The following MEGF11 variants were observed in gnomAD, a reference collection of about 807,000 sequenced individuals.
MEGF11 encodes the protein multiple EGF like domains 11.
Under a neutral mutation model 146.6 loss-of-function variants are expected in MEGF11, and 126 were observed. The ratio of observed to expected loss-of-function variants is 0.86; its 90% confidence interval spans 0.74 to 1.00. The LOEUF is 1.00. Ranked by LOEUF, MEGF11 falls within the 50% of genes least tolerant of loss-of-function variation. The probability of loss-of-function intolerance (pLI) is 0.00; values close to 1 mark genes in which losing one functional copy is unlikely to be tolerated. For missense variants in MEGF11, 1,509 were observed against 1,521.2 expected, an observed-to-expected ratio of 0.99 and a Z score of 0.13; for synonymous variants, 532 against 583.4, an observed-to-expected ratio of 0.91 and a Z score of 1.27.
At chr15:66,039,776 C>T (rs1325397385) in intron 5 of MEGF11, among the ~76,000 whole-genome samples, 1 of 147,284 alleles carries the variant, frequency 6.8e-6, no homozygotes, top group Admixed American at 6.8e-5. Flanking sequence ...GGTGGGGTGA[C>T]GGTCCTGAGC....
At chr15:66,018,586 T>C (rs534551543) in intron 5 of MEGF11, among the ~76,000 whole-genome samples, 6 of 152,180 alleles carry the variant, frequency 3.9e-5, no homozygotes, top group South Asian at 4.2e-4. Context: ...TGAATGACTG[T>C]GTGGGAGAGG....
intron 4 of MEGF11, among the ~76,000 whole-genome samples, chr15:66,117,828 G>A (rs1025420537): frequency 7.2e-5 from 11 of 152,280 alleles, no homozygotes; most frequent in Non-Finnish European, 1.0e-4. Context: ...CCTGAGGAAC[G>A]GCCTTTTAGG....
chr15:66,136,577 A>AGTGCCCTACACATGTTTGAG (rs1329711970), intron 1 of MEGF11, among the ~76,000 whole-genome samples: 1 of 152,210 alleles, frequency 6.6e-6, no homozygotes. Flanking sequence ...CAAAGTTTGA[A>AGTGCCCTACACATGTTTGAG]GTGCCCTACA....
intron 10 of MEGF11, among the ~76,000 whole-genome samples, chr15:65,932,732 A>G (rs2079623012): frequency 6.6e-6 from 1 of 151,912 alleles, no homozygotes; most frequent in African/African-American, 2.4e-5. Context: ...CCCACTTAGG[A>G]ACCTACTGTG....
At chr15:66,031,194 T>G (rs139371602) in intron 5 of MEGF11, among the ~76,000 whole-genome samples, 1 of 152,296 alleles carries the variant, frequency 6.6e-6, no homozygotes, top group East Asian at 1.9e-4. Flanking sequence ...TCCCTTCACT[T>G]TTTCCATGAA....
chr15:65,990,916 A>G (rs1172119589), intron 5 of MEGF11, among the ~76,000 whole-genome samples: 1 of 152,140 alleles, frequency 6.6e-6, no homozygotes, highest in East Asian at 1.9e-4. Context: ...CCGAGCTCTG[A>G]GCTGAGCTAT....
intron 10 of MEGF11, among the ~76,000 whole-genome samples, chr15:65,953,715 T>C (rs2080481254): frequency 6.6e-6 from 1 of 151,960 alleles, no homozygotes; most frequent in African/African-American, 2.4e-5. Context: ...AGGATTCCAC[T>C]TCCAATGTCC....
chr15:66,049,850 G>A (rs889021458), intron 5 of MEGF11, among the ~76,000 whole-genome samples: 3 of 152,292 alleles, frequency 2.0e-5, no homozygotes, highest in East Asian at 3.9e-4. Context: ...AGCTGATGGC[G>A]ACTTCCAATA....
intron 7 of MEGF11, among the ~76,000 whole-genome samples, chr15:65,976,233 G>T (rs1000621670): frequency 1.3e-5 from 2 of 151,984 alleles, no homozygotes; most frequent in African/African-American, 2.4e-5. Context: ...TAGAGACTGG[G>T]TTTCATCATG....
chr15:66,145,472 T>C (rs2089335551), intron 1 of MEGF11, among the ~76,000 whole-genome samples: 1 of 152,050 alleles, frequency 6.6e-6, no homozygotes, highest in Admixed American at 6.6e-5. Flanking sequence ...TATAGCCAGG[T>C]GCTGAACTGG....
intron 1 of MEGF11, among the ~76,000 whole-genome samples, chr15:66,196,160 A>G (rs1243428918): frequency 2.0e-5 from 3 of 152,138 alleles, no homozygotes; most frequent in African/African-American, 7.2e-5. Flanking sequence ...GGCAGGTGGT[A>G]CATGGTGCAG....
chr15:66,166,231 A>T (rs948280116), intron 1 of MEGF11, among the ~76,000 whole-genome samples: 1 of 151,864 alleles, frequency 6.6e-6, no homozygotes, highest in Admixed American at 6.6e-5. Context: ...CGCCATGGGG[A>T]GCTCACCACC....
chr15:65,987,247 C>G (rs1454374941), intron 5 of MEGF11, among the ~76,000 whole-genome samples: 1 of 151,774 alleles, frequency 6.6e-6, no homozygotes, highest in African/African-American at 2.4e-5. Context: ...ATTCTCACAA[C>G]AACCTATAAT....
rs578029190 is a variant in MEGF11 at position 66,007,783 on chromosome 15, G to T, written c.395-25295C>A. Among the ~76,000 whole-genome samples, 174 of 152,278 alleles carry T rather than the reference G, an allele frequency of 1.1e-3. 1 individual carries two copies. The highest frequency in any genetic ancestry group is 4.0e-3 in the African/African-American group (166 of 41,552). ...AGAAAAGAAAAGAAAAGAAGGCACA[G>T]AGGGCACATTCTCATTACCCCTTCA... On this transcript the variant is annotated intron_variant, in intron 5 of 25. Transcript: ENST00000395614.
intron 5 of MEGF11, among the ~76,000 whole-genome samples, chr15:65,990,699 GAAA>G (rs1401647118): frequency 1.5e-5 from 1 of 67,064 alleles, no homozygotes; most frequent in Non-Finnish European, 2.7e-5. Context: ...GGAAGAGAAA[GAAA>G]GAAAGGAAGG....
intron 1 of MEGF11, among the ~76,000 whole-genome samples, chr15:66,192,470 AAAAATAAAAT>A (rs56910946): frequency 0.18 from 23,471 of 130,236 alleles, 2,425 homozygotes; most frequent in East Asian, 0.4. Flanking sequence ...ACTCCATCTC[AAAAATAAAAT>A]AAAATAAAAT....
At chr15:66,058,720 CG>C (rs993958088) in intron 5 of MEGF11, among the ~76,000 whole-genome samples, 1 of 152,140 alleles carries the variant, frequency 6.6e-6, no homozygotes, top group African/African-American at 2.4e-5. Flanking sequence ...CCTCCCTCTT[CG>C]GGGTGGCCCT....
Position 66,119,191 on chromosome 15 carries a change from G to C in MEGF11, c.201-5C>G. The stretch of plus-strand genomic sequence containing the variant: ...TACGCCGTCTTATAACTGATCCTAA[G>C]GCACAAGGGAGAAAGCCACTTGAAA... On this transcript the variant is annotated splice_region_variant and splice_polypyrimidine_tract_variant and intron_variant, in intron 3 of 25. Coordinates refer to ENST00000395614, the MANE Select transcript of MEGF11 (RefSeq NM_001385028.1). 4 of 1,547,440 alleles carry C rather than the reference G, an allele frequency of 2.6e-6. No individual in the cohort carries two copies. The highest frequency in any genetic ancestry group is 2.4e-5 in the East Asian group (1 of 40,896).
intron 5 of MEGF11, among the ~76,000 whole-genome samples, chr15:66,037,674 A>G (rs1156514517): frequency 6.6e-6 from 1 of 152,204 alleles, no homozygotes; most frequent in Non-Finnish European, 1.5e-5. Flanking sequence ...CTTCCATCAG[A>G]ACAGGTCTCT....
Sources: allele counts gnomAD v4.1 joint callset (sites outside exome capture counted in the v4.1 genomes callset), GRCh38; gene constraint gnomAD v4.1.1; transcripts MANE v1.5; gene names NCBI Gene and HGNC (gene_info 2026-07-23, HGNC 2026-07-21).